The following RBM25 variants were observed in gnomAD, a reference collection of about 807,000 sequenced individuals.
RBM25 encodes RNA-binding protein 25.
RBM25 carries 19 observed loss-of-function variants against 120.7 expected under a neutral mutation model. The observed-to-expected ratio is 0.16, with a 90% CI of 0.11 to 0.23. The LOEUF (loss-of-function observed/expected upper bound fraction) is 0.23. Among genes scored for constraint, RBM25 ranks in the 10% least tolerant of loss-of-function variants. The pLI, the probability that RBM25 is intolerant of heterozygous loss-of-function variation, is 1.00. For missense variants in RBM25, 605 were observed against 1,041.5 expected (o/e 0.58, Z 5.77); for synonymous variants, 390 against 326.7 (o/e 1.19, Z -2.09).
At chr14:73,060,031 T>TG (rs1894963439) in intron 1 of RBM25, among the ~76,000 whole-genome samples, 1 of 152,156 alleles carries the variant, frequency 6.6e-6, no homozygotes, top group Non-Finnish European at 1.5e-5. Flanking sequence ...GTAATTTTTT[T>TG]TTTTGTTTTG....
chr14:73,080,485 A>AGTGCT (rs926536277), intron 4 of RBM25, among the ~76,000 whole-genome samples: 1 of 152,070 alleles, frequency 6.6e-6, no homozygotes, highest in Non-Finnish European at 1.5e-5. Flanking sequence ...GGCCTCCCAA[A>AGTGCT]GTGCTGGGAT....
chr14:73,077,318 G>A, intron 3 of RBM25, 51 bp from the exon 4 acceptor site: 5 of 1,465,620 alleles, frequency 3.4e-6, no homozygotes, highest in Non-Finnish European at 4.7e-6. Context: ...TGTTAATTGT[G>A]GTAGGAAATT....
At chr14:73,114,007 A>G (rs1374524361) in intron 17 of RBM25, among the ~76,000 whole-genome samples, 1 of 152,186 alleles carries the variant, frequency 6.6e-6, no homozygotes, top group Non-Finnish European at 1.5e-5. Context: ...ATGAACAGTA[A>G]ATTTACTCTG....
At chr14:73,106,606 A>G (rs1459498757) in intron 12 of RBM25, among the ~76,000 whole-genome samples, 1 of 152,154 alleles carries the variant, frequency 6.6e-6, no homozygotes, top group Non-Finnish European at 1.5e-5. Context: ...TGTTGTTATT[A>G]GATATAATAG....
intron 11 of RBM25, 41 bp from the exon 12 acceptor site, chr14:73,106,155 A>T (rs369932681): frequency 4.4e-6 from 7 of 1,577,958 alleles, no homozygotes; most frequent in Non-Finnish European, 6.0e-6. Flanking sequence ...ATAGAATGCT[A>T]TGTATAAATT....
chr14:73,060,449 G>GTTTATTT (rs1894977537), intron 1 of RBM25, among the ~76,000 whole-genome samples: 1 of 151,444 alleles, frequency 6.6e-6, no homozygotes, highest in Non-Finnish European at 1.5e-5. Flanking sequence ...CAAATTAGCA[G>GTTTATTT]TTTACTTTTC....
intron 2 of RBM25, among the ~76,000 whole-genome samples, chr14:73,075,456 G>T (rs958783171): frequency 2.6e-5 from 4 of 152,114 alleles, no homozygotes; most frequent in Admixed American, 2.0e-4. Flanking sequence ...ACTGCGCCCG[G>T]CCCATGATTT....
intron 1 of RBM25, among the ~76,000 whole-genome samples, chr14:73,066,666 T>C (rs1267741850): frequency 2.2e-5 from 3 of 139,460 alleles, no homozygotes; most frequent in Non-Finnish European, 3.1e-5. Flanking sequence ...AAAAAAAAAA[T>C]GCATCCTAGG....
chr14:73,103,518 A>G (rs765434594), intron 10 of RBM25, 40 bp downstream of exon 10: 55 of 1,532,484 alleles, frequency 3.6e-5, no homozygotes, highest in Non-Finnish European at 4.7e-5. Flanking sequence ...GATAGCTTTA[A>G]GAAAACTATC....
At chr14:73,108,937 T>A (rs140044604) in intron 13 of RBM25, among the ~76,000 whole-genome samples, 3 of 152,324 alleles carry the variant, frequency 2.0e-5, no homozygotes, top group African/African-American at 7.2e-5. Flanking sequence ...TTTTTACAAG[T>A]GAATAAATTG....
chr14:73,062,859 C>T lies in RBM25; in HGVS notation c.-16+4154C>T, dbSNP rs543175470. Among the ~76,000 whole-genome samples the T allele has an allele frequency of 3.3e-5, 5 of 151,358 alleles. No homozygotes were observed. The East Asian group carries it at 9.6e-4, about 29-fold the overall frequency. On this transcript the variant is annotated intron_variant, in intron 1 of 18. Transcript: ENST00000261973. ...TAATTTTTGGGGGGCCTCACTCTGT[C>T]GCCCAGGCTTGAGTGCAGTGGTGTG...
chr14:73,117,214 T>A (rs903499311), intron 18 of RBM25, among the ~76,000 whole-genome samples: 1 of 19,320 alleles, frequency 5.2e-5, no homozygotes, highest in African/African-American at 2.0e-4. Flanking sequence ...TCTTTTCTTT[T>A]TTTTTTTTTT....
Position 73,110,932 on chromosome 14 carries a change from A to C in RBM25, c.1794A>C (p.Glu598Asp). The change falls in exon 15 of 19, where the codon GAA becomes GAC. Residue 598 changes from glutamate to aspartate, a missense_variant. Glu to Asp is a conservative substitution (Grantham distance 45). Coordinates refer to ENST00000261973, the MANE Select transcript of RBM25 (RefSeq NM_021239.3). The stretch of plus-strand genomic sequence containing the variant: ...AGCAAGAAAAAGAAGAAAAACGAGA[A>C]GAACCCATGGAAGAGGAAGAGGAGC... ...EEKQEKEEKR[E>D]EPMEEEEEPE... 6.2e-7 allele frequency: 1 copy of C among 1,612,352 alleles called. No individual in the cohort carries two copies.
At chr14:73,101,530 A>ATC (rs1566596375) in intron 9 of RBM25, 2 of 150,854 alleles carry the variant, frequency 1.3e-5, no homozygotes, top group Admixed American at 6.6e-5. Flanking sequence ...ATATATATAT[A>ATC]TATCTCATAT....
intron 8 of RBM25, 23 bp downstream of exon 8, chr14:73,099,456 G>A (rs758388411): frequency 5.6e-6 from 9 of 1,605,262 alleles, no homozygotes; most frequent in Non-Finnish European, 6.8e-6. Context: ...TGTAGGCTTT[G>A]ACAATACCTG....
intron 1 of RBM25, among the ~76,000 whole-genome samples, chr14:73,067,139 G>A (rs1228102449): frequency 4.8e-5 from 7 of 146,426 alleles, no homozygotes; most frequent in Admixed American, 4.2e-4. Flanking sequence ...GCACCGTCTC[G>A]GCTCACTGCA....
At position 73,107,888 on chromosome 14, in the gene RBM25, C is replaced by T. The variant is rs767015703; in HGVS notation, c.1530C>T (p.Pro510=). ...LEDYDDDRDD[P]KYYRGSALQK... is the part of the protein sequence containing the mutation. ...ACTATGATGATGATAGAGATGACCC[C>T]AAATATTACAGGTAAAGAAGGCTTG... Residue 510 remains proline (P), a synonymous_variant, in exon 13 of 19, where the codon CCC becomes CCT. Coordinates refer to ENST00000261973, the MANE Select transcript of RBM25 (RefSeq NM_021239.3). The T allele has an allele frequency of 2.5e-6, 4 of 1,591,448 alleles. No individual in the cohort carries two copies. In the East Asian group the frequency reaches 6.8e-5, roughly 27 times the overall value.
intron 6 of RBM25, among the ~76,000 whole-genome samples, chr14:73,094,841 G>A (rs1035974526): frequency 8.7e-6 from 1 of 115,450 alleles, no homozygotes; most frequent in South Asian, 2.6e-4. Flanking sequence ...GTGTGTGTGT[G>A]TCTGTGTGTG....
chr14:73,092,853 C>T (rs1566592243), intron 6 of RBM25, among the ~76,000 whole-genome samples: 1 of 152,172 alleles, frequency 6.6e-6, no homozygotes, highest in Non-Finnish European at 1.5e-5. Context: ...AGGCATGAGC[C>T]ACTGTGCCCA....
Sources: gnomAD v4.1 joint callset for allele counts (sites outside exome capture counted in the v4.1 genomes callset) on GRCh38, gnomAD v4.1.1 for gene constraint, MANE v1.5 for transcripts, NCBI Gene and HGNC (gene_info 2026-07-23, HGNC 2026-07-21) for gene names.